PARM1: variants seen among roughly 807,000 people sequenced by gnomAD.
PARM1 encodes the protein WSC4, cell wall integrity and stress response component 4 homolog.
A neutral mutation model predicts 24.6 loss-of-function variants in PARM1; 14 were observed. The observed-to-expected ratio is 0.57, with a 90% CI of 0.38 to 0.89. PARM1 has a LOEUF of 0.89. PARM1 is among the 40% of genes least tolerant of loss of function. PARM1 has a pLI of 0.00. For missense variants in PARM1, 362 were observed against 380.4 expected (o/e 0.95, Z 0.40); for synonymous variants, 179 against 156.6 (o/e 1.14, Z -1.07).
chr4:74,942,223 T>C (rs1249358188), intron 1 of PARM1, among the ~76,000 whole-genome samples: 1 of 152,248 alleles, frequency 6.6e-6, no homozygotes, highest in Admixed American at 6.5e-5. Flanking sequence ...TTTTCCACTG[T>C]TGTATCCCCA....
chr4:74,989,560 T>C (rs1397943585), intron 1 of PARM1, among the ~76,000 whole-genome samples: 1 of 152,138 alleles, frequency 6.6e-6, no homozygotes, highest in African/African-American at 2.4e-5. Context: ...ATCAGGAAGG[T>C]CCTCAAACCT....
chr4:74,938,174 T>C (rs946698511), intron 1 of PARM1, among the ~76,000 whole-genome samples: 3 of 152,218 alleles, frequency 2.0e-5, no homozygotes, highest in African/African-American at 7.2e-5. Flanking sequence ...CCCAGTCAAA[T>C]TGTGCTTGTG....
chr4:75,003,922 C>G (rs1722726675), intron 1 of PARM1, among the ~76,000 whole-genome samples: 1 of 152,130 alleles, frequency 6.6e-6, no homozygotes, highest in African/African-American at 2.4e-5. Flanking sequence ...AAATTCAATT[C>G]ATTCAATGTA....
intron 1 of PARM1, among the ~76,000 whole-genome samples, chr4:74,977,619 CA>C (rs753184341): frequency 1.8e-4 from 28 of 152,098 alleles, no homozygotes; most frequent in Non-Finnish European, 3.5e-4. Flanking sequence ...CAGAGAACCC[CA>C]GTAAAATACT....
intron 1 of PARM1, among the ~76,000 whole-genome samples, chr4:74,943,063 T>A (rs1055655997): frequency 2.6e-5 from 4 of 152,198 alleles, no homozygotes; most frequent in Admixed American, 2.6e-4. Flanking sequence ...CCCATATGAC[T>A]AATTCCCTCA....
At chr4:75,043,530 A>T (rs886972628) in intron 3 of PARM1, among the ~76,000 whole-genome samples, 1 of 152,208 alleles carries the variant, frequency 6.6e-6, no homozygotes, top group African/African-American at 2.4e-5. Flanking sequence ...TATGATAGAG[A>T]TAAAAATTCT....
intron 1 of PARM1, among the ~76,000 whole-genome samples, chr4:74,941,908 A>G (rs148143476): frequency 3.3e-5 from 5 of 152,336 alleles, no homozygotes; most frequent in African/African-American, 1.2e-4. Context: ...AGAGAACCAT[A>G]GCCCTGATAT....
At chr4:75,018,259 G>C (rs1422210482) in intron 2 of PARM1, among the ~76,000 whole-genome samples, 1 of 152,208 alleles carries the variant, frequency 6.6e-6, no homozygotes, top group Non-Finnish European at 1.5e-5. Context: ...AGACACTGTA[G>C]ATGTAGGAAG....
At chr4:74,933,398 C>T in intron 1 of PARM1, 28 bp downstream of exon 1, 2 of 1,608,806 alleles carry the variant, frequency 1.2e-6, no homozygotes, top group South Asian at 2.2e-5. Context: ...CCCGGAAGGG[C>T]AGGTCGCGGG....
intron 1 of PARM1, among the ~76,000 whole-genome samples, chr4:74,934,989 CTTTTTTCTTTTTTTT>C (rs1309780874): frequency 2.0e-3 from 22 of 10,880 alleles, no homozygotes; most frequent in Admixed American, 9.0e-3. Flanking sequence ...CCAAGAAGCT[CTTTTTTCTTTTTTTT>C]TTTTTTCTTT....
intron 1 of PARM1, among the ~76,000 whole-genome samples, chr4:74,998,254 G>T (rs1247578336): frequency 1.3e-5 from 2 of 152,184 alleles, no homozygotes; most frequent in African/African-American, 4.8e-5. Flanking sequence ...TGTTTATGTG[G>T]CTGTGTGTAC....
chr4:74,987,870 C>A (rs1035774213), intron 1 of PARM1, among the ~76,000 whole-genome samples: 2 of 152,194 alleles, frequency 1.3e-5, no homozygotes, highest in African/African-American at 4.8e-5. Context: ...AAGACACAAG[C>A]AGATAGATCA....
At chr4:75,009,833 T>C (rs535372673) in intron 1 of PARM1, among the ~76,000 whole-genome samples, 84 of 152,336 alleles carry the variant, frequency 5.5e-4, no homozygotes, top group African/African-American at 1.8e-3. Context: ...TGTGCCCTCA[T>C]TGAGCTTTTA....
chr4:74,943,165 C>T (rs1052212059), intron 1 of PARM1, among the ~76,000 whole-genome samples: 1 of 152,118 alleles, frequency 6.6e-6, no homozygotes, highest in Non-Finnish European at 1.5e-5. Flanking sequence ...TTGCCAACAC[C>T]ATATTCCCAG....
chr4:75,033,829 A>G lies in PARM1; in HGVS notation c.770-54A>G. 4.8e-6 allele frequency: 7 copies of G among 1,454,832 alleles called. No individual in the cohort carries two copies. The South Asian group carries it at 5.0e-5, about 10-fold the overall frequency. The allele number at this position is 1,454,832 out of a possible 1,614,324, so 90.1% of individuals were successfully genotyped here. ...TGGATACTACGCACGCCAAAGTCAC[A>G]TGATGCCCCGTATCCTCATGTATCT... On this transcript the variant is annotated intron_variant, in intron 2 of 3. Transcript: ENST00000307428.
chr4:74,973,883 T>C (rs1722089168), intron 1 of PARM1, among the ~76,000 whole-genome samples: 1 of 151,560 alleles, frequency 6.6e-6, no homozygotes, highest in East Asian at 1.9e-4. Context: ...TGTGTGTGGG[T>C]GTAGAGAGAG....
Position 74,940,732 on chromosome 4 carries a change from A to C in PARM1, c.43+7362A>C, listed in dbSNP as rs1357566495. On this transcript the variant is annotated intron_variant, in intron 1 of 3. Coordinates refer to ENST00000307428, the MANE Select transcript of PARM1 (RefSeq NM_015393.4). ...TTTGATTGGTCCATACTGTAGGACC[A>C]CTCCATACTATAGGACTCTTGCTTT... is the stretch of plus-strand genomic sequence containing the variant. Among the ~76,000 whole-genome samples, 3 of 152,186 alleles carry C rather than the reference A, an allele frequency of 2.0e-5. No homozygotes were observed. In the East Asian group the frequency reaches 5.8e-4, roughly 29 times the overall value.
At chr4:74,964,866 A>G (rs1330062180) in intron 1 of PARM1, among the ~76,000 whole-genome samples, 1 of 152,238 alleles carries the variant, frequency 6.6e-6, no homozygotes, top group Non-Finnish European at 1.5e-5. Context: ...TGGAAAAATT[A>G]CCTGTCCTTA....
intron 1 of PARM1, chr4:74,969,569 C>T (rs1721981188): frequency 6.6e-6 from 1 of 152,222 alleles, no homozygotes; most frequent in Non-Finnish European, 1.5e-5. Context: ...AAGGGCCCAT[C>T]TTGCTGTGAA....
Sources: allele counts gnomAD v4.1 joint callset (sites outside exome capture counted in the v4.1 genomes callset), GRCh38; gene constraint gnomAD v4.1.1; transcripts MANE v1.5; gene names NCBI Gene and HGNC (gene_info 2026-07-23, HGNC 2026-07-21).